CCDC88A: variants seen among roughly 807,000 people sequenced by gnomAD.
CCDC88A encodes the protein coiled-coil and HOOK domain protein 88A.
A neutral mutation model predicts 234.3 loss-of-function variants in CCDC88A; 54 were observed. The observed-to-expected ratio is 0.23, with a 90% confidence interval of 0.19 to 0.29. The LOEUF is 0.29. Among genes scored for constraint, CCDC88A ranks in the 10% least tolerant of loss-of-function variants. CCDC88A has a pLI of 1.00. For synonymous variants in CCDC88A, 753 were observed against 737.8 expected, an observed-to-expected ratio of 1.02 and a Z score of -0.33; for missense variants, 1,832 against 2,123.4, an observed-to-expected ratio of 0.86 and a Z score of 2.70.
intron 3 of CCDC88A, among the ~76,000 whole-genome samples, chr2:55,386,154 C>T (rs1675585653): frequency 6.6e-6 from 1 of 151,696 alleles, no homozygotes; most frequent in Non-Finnish European, 1.5e-5. Context: ...ACCCAGGAGC[C>T]AGAGGTTGCA....
At chr2:55,323,366 G>C (rs1363837942) in intron 17 of CCDC88A, 1 of 152,118 alleles carries the variant, frequency 6.6e-6, no homozygotes, top group African/African-American at 2.4e-5. Context: ...GGATAGAAAT[G>C]TTTTATAGTT....
Position 55,332,517 on chromosome 2 carries a change from A to C in CCDC88A, c.2855+49T>G, listed in dbSNP as rs764514069. ...TACAGAAAGAATTCATGTATGAGCA[A>C]AAAAAAAAAAAAATTTTCAACTGTT... is the stretch of plus-strand genomic sequence containing the variant. On this transcript the variant is annotated intron_variant, in intron 16 of 32. Coordinates refer to ENST00000436346, the MANE Select transcript of CCDC88A (RefSeq NM_001365480.1). The surrounding 1 kb of genome is among the most constrained non-coding windows in gnomAD (Gnocchi z 4.5). 1.5e-5 allele frequency: 13 copies of C among 872,022 alleles called. No individual in the cohort carries two copies. The highest frequency in any genetic ancestry group is 1.7e-5 in the Non-Finnish European group (11 of 654,026). The allele number at this position is 872,022 out of a possible 1,614,324, so 54.0% of individuals were successfully genotyped here. A position where few individuals can be genotyped will look rare whatever the true frequency, so the allele number is the denominator to read the frequency against.
In CCDC88A at chr2:55,357,591, G is replaced by GC. The variant is rs544974572; in HGVS notation, c.628-1841dup. 4.6e-5 allele frequency among the ~76,000 whole-genome samples: 7 copies of GC among 152,056 alleles called. No individual in the cohort carries two copies. In the South Asian group the frequency reaches 1.0e-3, roughly 23 times the overall value. On this transcript the variant is annotated intron_variant, in intron 7 of 32. Coordinates refer to ENST00000436346, the MANE Select transcript of CCDC88A (RefSeq NM_001365480.1). ...TCAGGCAAATAAACTGTCTTACATA[G>GC]CAATTTCAGCTGTACTACTATTCTA...
intron 2 of CCDC88A, chr2:55,403,899 G>C (rs927862774): frequency 3.3e-5 from 5 of 152,158 alleles, no homozygotes; most frequent in Admixed American, 6.5e-5. Context: ...CTTAAGATTG[G>C]GTCACAGAAG....
At chr2:55,402,360 C>T (rs960662797) in intron 2 of CCDC88A, among the ~76,000 whole-genome samples, 2 of 152,078 alleles carry the variant, frequency 1.3e-5, no homozygotes, top group Admixed American at 6.6e-5. Flanking sequence ...GGTTGTGATA[C>T]ATTGTTTTGC....
In CCDC88A at chr2:55,334,602, C is replaced by G; in HGVS notation, c.2219G>C (p.Gly740Ala). 6.2e-7 allele frequency: 1 copy of G among 1,613,548 alleles called. No homozygotes were observed. The highest frequency in any genetic ancestry group is 8.5e-7 in the Non-Finnish European group (1 of 1,179,820). ...LESEKEQLKK[G>A]LELLKASFKK... The stretch of plus-strand genomic sequence containing the variant: ...GAAAGATGCTTTCAGGAGCTCCAAA[C>G]CCTTCTTAAGTTGCTCTTTTTCACT... The change falls in exon 15 of 33, where the codon GGT becomes GCT. Residue 740 changes from glycine (G) to alanine (A), a missense_variant. Coordinates refer to ENST00000436346, the MANE Select transcript of CCDC88A (RefSeq NM_001365480.1). The surrounding 1 kb of genome is among the most constrained non-coding windows in gnomAD (Gnocchi z 6.1).
In CCDC88A at chr2:55,381,331, C is replaced by T. The variant is rs374211113; in HGVS notation, c.274-6448G>A. Among the ~76,000 whole-genome samples the T allele has an allele frequency of 1.1e-4, 17 of 152,108 alleles. No homozygotes were observed. The East Asian group carries it at 3.3e-3, about 29-fold the overall frequency. On this transcript the variant is annotated intron_variant, in intron 3 of 32. Transcript: ENST00000436346. ...TGGTGGGAGGCTGAGGCAGATGGAT[C>T]GCTTGAGCTCAGGAGTTTGAGAACG...
intron 2 of CCDC88A, among the ~76,000 whole-genome samples, chr2:55,395,750 A>T (rs1677421371): frequency 6.6e-6 from 1 of 152,214 alleles, no homozygotes; most frequent in African/African-American, 2.4e-5. Flanking sequence ...AGAGTCCTAA[A>T]CTACAATTTG....
At chr2:55,412,089 G>C (rs1199365000) in intron 2 of CCDC88A, among the ~76,000 whole-genome samples, 1 of 152,140 alleles carries the variant, frequency 6.6e-6, no homozygotes, top group Non-Finnish European at 1.5e-5. Flanking sequence ...TAAAATTGCA[G>C]CTATCTTCAC....
intron 18 of CCDC88A, 52 bp from the exon 19 acceptor site, chr2:55,319,056 AAT>A (rs767088567): frequency 1.4e-6 from 2 of 1,474,068 alleles, no homozygotes; most frequent in Admixed American, 3.4e-5. Flanking sequence ...GGCAACATCA[AAT>A]ATGTTTCTAT....
chr2:55,388,131 C>G (rs554570107), intron 3 of CCDC88A, among the ~76,000 whole-genome samples: 2 of 152,270 alleles, frequency 1.3e-5, no homozygotes, highest in East Asian at 1.9e-4. Flanking sequence ...CAACGACATA[C>G]TAGGCCAAGC....
At chr2:55,331,166 G>A (rs1487660471) in intron 16 of CCDC88A, among the ~76,000 whole-genome samples, 6 of 152,208 alleles carry the variant, frequency 3.9e-5, no homozygotes, top group African/African-American at 1.4e-4. Context: ...ATGCAGTACA[G>A]TGTCTTACAT....
chr2:55,414,492 C>T (rs994579146), intron 2 of CCDC88A, among the ~76,000 whole-genome samples: 2 of 152,224 alleles, frequency 1.3e-5, no homozygotes, highest in Non-Finnish European at 2.9e-5. Context: ...CTTTCCTCTT[C>T]CTTCCCATTA....
intron 2 of CCDC88A, chr2:55,405,778 G>A (rs988067322): frequency 2.0e-5 from 3 of 152,162 alleles, no homozygotes; most frequent in African/African-American, 7.2e-5. Flanking sequence ...CCCCGCCCTG[G>A]TCCGTGGAAA....
chr2:55,413,506 T>C (rs1043668616), intron 2 of CCDC88A, among the ~76,000 whole-genome samples: 1 of 152,208 alleles, frequency 6.6e-6, no homozygotes, highest in African/African-American at 2.4e-5. Flanking sequence ...CAAGTCTATG[T>C]CTATCTGACA....
Position 55,335,192 on chromosome 2 carries a change from C to T in CCDC88A, c.1657-28G>A. 7.2e-7 allele frequency: 1 copy of T among 1,383,072 alleles called. No homozygotes were observed. Among genetic ancestry groups the T allele is most frequent in the Non-Finnish European group, 9.6e-7 (1 of 1,041,330 alleles). 85.7% of individuals were successfully genotyped at this position (1,383,072 alleles called of 1,614,324 possible). ...AATTTGAAAAGAAAATAATTAAAAG[C>T]TGTAATTGAGGAAAAACTAACTATG... is the stretch of plus-strand genomic sequence containing the variant. On this transcript the variant is annotated intron_variant, in intron 14 of 32. Coordinates refer to ENST00000436346, the MANE Select transcript of CCDC88A (RefSeq NM_001365480.1). The surrounding 1 kb of genome is among the most constrained non-coding windows in gnomAD (Gnocchi z 4.5).
chr2:55,355,314 G>T, intron 8 of CCDC88A: 1 of 313,324 alleles, frequency 3.2e-6, no homozygotes, highest in Non-Finnish European at 5.9e-6. Context: ...AAAACTAAGA[G>T]CCCCAATTTG....
At position 55,296,531 on chromosome 2, in the gene CCDC88A, A is replaced by G; in HGVS notation, c.4826-8T>C. 1 of 1,612,216 alleles carries G rather than the reference A, an allele frequency of 6.2e-7. No individual in the cohort carries two copies. The highest frequency in any genetic ancestry group is 1.1e-5 in the South Asian group (1 of 90,708). On this transcript the variant is annotated splice_region_variant and splice_polypyrimidine_tract_variant and intron_variant, in intron 29 of 32. Transcript: ENST00000436346. ...GGTTATTAACTGCACCTGCTTTTGG[A>G]GTAAATGGGGTGTTGAGATTTCAAT...
chr2:55,349,231 T>C, intron 9 of CCDC88A: 1 of 337,228 alleles, frequency 3.0e-6, no homozygotes, highest in Non-Finnish European at 5.3e-6. Flanking sequence ...TGTTCTAGCT[T>C]CCAAGGCCAC....
Sources: allele counts gnomAD v4.1 joint callset (sites outside exome capture counted in the v4.1 genomes callset), GRCh38; gene constraint gnomAD v4.1.1; non-coding constraint Gnocchi (gnomAD v3.1); transcripts MANE v1.5; gene names NCBI Gene and HGNC (gene_info 2026-07-23, HGNC 2026-07-21).